Variants in THAP3 observed in about 807,000 individuals in gnomAD.
THAP3 encodes THAP domain containing 3, also known as THAP domain-containing protein 3.
A neutral mutation model predicts 17.7 loss-of-function variants in THAP3; 12 were observed. The observed-to-expected ratio is 0.68, with a 90% CI of 0.43 to 1.10. The LOEUF is 1.10. Among genes scored for constraint, THAP3 ranks in the 50% least tolerant of loss-of-function variants. THAP3 has a pLI of 0.00. For synonymous variants in THAP3, 133 were observed against 126.9 expected (o/e 1.05, Z -0.32); for missense variants, 289 against 318.0 (o/e 0.91, Z 0.69).
chr1:6,625,332 C>T (rs749289939), intron 2 of THAP3, 40 bp downstream of exon 2: 300 of 1,499,906 alleles, frequency 2.0e-4, no homozygotes, highest in East Asian at 5.3e-4. Context: ...GGCCCAGACC[C>T]GGGGCCCGCG....
In THAP3 at chr1:6,633,378, C is replaced by G. The variant is rs1476415517; in HGVS notation, c.*301C>G. ...CGCTGTCCTTTCAGCACACGCAGAG[C>G]AAAGATCGTTGGAAGCCCCAGTGTG... On this transcript the variant is annotated 3_prime_UTR_variant, in exon 6 of 6. Transcript: ENST00000054650. 7.9e-7 allele frequency: 1 copy of G among 1,260,636 alleles called. No individual in the cohort carries two copies. Among genetic ancestry groups the G allele is most frequent in the Non-Finnish European group, 1.0e-6 (1 of 993,762 alleles). 78.1% of individuals were successfully genotyped at this position (1,260,636 alleles called of 1,614,324 possible). A position where few individuals can be genotyped will look rare whatever the true frequency, so the allele number is the denominator to read the frequency against.
chr1:6,634,458 C>G, downstream of THAP3: 1 of 1,301,570 alleles, frequency 7.7e-7, no homozygotes, highest in Non-Finnish European at 1.0e-6. Context: ...GGAGGGAGGC[C>G]TGACTTCAGC....
Position 6,632,477 on chromosome 1 carries a change from C to T in THAP3, c.420C>T (p.Ala140=), listed in dbSNP as rs757618330. The part of the protein sequence containing the change: ...ALEELQLPPN[A]EGHVKQVSPR... The stretch of plus-strand genomic sequence containing the variant: ...AAGAGCTTCAGTTGCCCCCAAATGC[C>T]GAAGGCCACGTAAAACAGGTAAGAC... The change falls in exon 5 of 6, where the codon GCC becomes GCT. Residue 140 remains alanine, a synonymous_variant. Transcript: ENST00000054650. 32 of 1,614,006 alleles carry T rather than the reference C, an allele frequency of 2.0e-5. No homozygotes were observed. The highest frequency in any genetic ancestry group is 3.3e-5 in the Admixed American group (2 of 60,006).
At chr1:6,634,059 C>A (rs138002206), downstream of THAP3, 2 of 1,613,802 alleles carry the variant, frequency 1.2e-6, no homozygotes, top group Admixed American at 1.7e-5. Flanking sequence ...CCCAGCTTCA[C>A]GTGAAGCCTT....
intron 2 of THAP3, 140 bp downstream of exon 2, chr1:6,625,432 A>C: frequency 1.8e-6 from 1 of 563,410 alleles, no homozygotes; most frequent in Non-Finnish European, 2.4e-6. Context: ...CTGGGCCCAG[A>C]GGGGCTGGCG....
At chr1:6,635,038 C>G (rs1641734883), downstream of THAP3, 1 of 300,254 alleles carries the variant, frequency 3.3e-6, no homozygotes, top group South Asian at 5.4e-5. Flanking sequence ...TACCCTGTCC[C>G]AAGCCGAGGG....
In THAP3 at chr1:6,628,666, T is replaced by G; in HGVS notation, c.242T>G (p.Val81Gly). ...CTAAAGCACAATGCCGTGCCCACGGTGTTCGCCTTTCAGGACCCCACACAG... is the reference window on the plus strand; with the variant it reads ...CTAAAGCACAATGCCGTGCCCACGGGGTTCGCCTTTCAGGACCCCACACAG... ...KNLKHNAVPT[V>G]FAFQDPTQQV... is the part of the protein sequence containing the mutation. Residue 81 changes from valine to glycine, a missense_variant, in exon 3 of 6, where the codon GTG becomes GGG. Physicochemically the swap from Val to Gly is moderately radical, Grantham distance 109 (BLOSUM62 -3). Coordinates refer to ENST00000054650, the MANE Select transcript of THAP3 (RefSeq NM_001195753.2). 2 of 1,613,344 alleles carry G rather than the reference T, an allele frequency of 1.2e-6. No homozygotes were observed. Among genetic ancestry groups the G allele is most frequent in the Non-Finnish European group, 1.7e-6 (2 of 1,179,894 alleles).
chr1:6,626,303 A>C (rs1641468517), intron 2 of THAP3, among the ~76,000 whole-genome samples: 1 of 151,978 alleles, frequency 6.6e-6, no homozygotes, highest in South Asian at 2.1e-4. Context: ...GCGATACCTC[A>C]TCTCAAAATA....
intron 3 of THAP3, among the ~76,000 whole-genome samples, chr1:6,629,878 C>T (rs867603010): frequency 2.0e-5 from 3 of 152,352 alleles, no homozygotes; most frequent in African/African-American, 2.4e-5. Context: ...AAGCTGGGTA[C>T]GGCCTCTGCC....
At chr1:6,634,669 A>C (rs752394189), downstream of THAP3, 5 of 1,366,398 alleles carry the variant, frequency 3.7e-6, no homozygotes, top group Admixed American at 7.6e-5. Flanking sequence ...GCTCCGCTGC[A>C]TTCTGCATCC....
chr1:6,632,357 G>A (rs1400456959), intron 4 of THAP3, 34 bp from the exon 5 acceptor site: 3 of 1,612,056 alleles, frequency 1.9e-6, no homozygotes, highest in African/African-American at 2.7e-5. Context: ...GCATGTGCAG[G>A]GCTGTAGTGC....
chr1:6,625,028 G>T (rs1024170209), intron 1 of THAP3, 74 bp downstream of exon 1: 1 of 593,034 alleles, frequency 1.7e-6, no homozygotes, highest in African/African-American at 2.0e-5. Flanking sequence ...ACCCCTTTAC[G>T]TGGCGCCCCG....
rs917448020 is a variant in THAP3, at chr1:6,624,945, G to A, written c.-79G>A. ...AAGGAGGTGAAAGGCGACCAGCATT[G>A]GCGAATGGGGTAAGACTTGCACAGG... is the stretch of plus-strand genomic sequence containing the variant. On this transcript the variant is annotated 5_prime_UTR_variant, in exon 1 of 6. Coordinates refer to ENST00000054650, the MANE Select transcript of THAP3 (RefSeq NM_001195753.2). 2 of 493,728 alleles carry A rather than the reference G, an allele frequency of 4.1e-6. No homozygotes were observed. The highest frequency in any genetic ancestry group is 7.2e-6 in the Non-Finnish European group (2 of 277,730). 30.6% of individuals were successfully genotyped at this position (493,728 alleles called of 1,614,324 possible). A position where few individuals can be genotyped will look rare whatever the true frequency, so the allele number is the denominator to read the frequency against.
rs764885228 is a variant in THAP3 at position 6,633,327 on chromosome 1, A to G, written c.*250A>G. On this transcript the variant is annotated 3_prime_UTR_variant, in exon 6 of 6. Coordinates refer to ENST00000054650, the MANE Select transcript of THAP3 (RefSeq NM_001195753.2). ...CAAGCTTATCCTCCCATGGTAACAG[A>G]AGTCCAGGCTGAGGCTGATTCTGGA... The G allele has an allele frequency of 4.3e-5, 60 of 1,383,276 alleles. No individual in the cohort carries two copies. Among genetic ancestry groups the G allele is most frequent in the Middle Eastern group, 2.7e-4 (1 of 3,688 alleles). The allele number at this position is 1,383,276 out of a possible 1,614,324, so 85.7% of individuals were successfully genotyped here.
At chr1:6,628,840 G>A in intron 3 of THAP3, 149 bp downstream of exon 3, 1 of 733,594 alleles carries the variant, frequency 1.4e-6, no homozygotes, top group South Asian at 1.9e-5. Flanking sequence ...GGGGTCCACA[G>A]CCCTGTGGCC....
rs1570243173 is a variant in THAP3, at chr1:6,628,752, G to A, written c.267+61G>A. ...CAGCCTGCGTTGTTTACCAGCAGCTGGGGGCAGTGGGGGTGGCGGCATGTG... is the reference window on the plus strand; with the variant it reads ...CAGCCTGCGTTGTTTACCAGCAGCTAGGGGCAGTGGGGGTGGCGGCATGTG... On this transcript the variant is annotated intron_variant, in intron 3 of 5. Coordinates refer to ENST00000054650, the MANE Select transcript of THAP3 (RefSeq NM_001195753.2). 3.3e-6 allele frequency: 5 copies of A among 1,507,068 alleles called. No homozygotes were observed. In the East Asian group the frequency reaches 1.2e-4, roughly 35 times the overall value. The allele number at this position is 1,507,068 out of a possible 1,614,324, so 93.4% of individuals were successfully genotyped here. A position where few individuals can be genotyped will look rare whatever the true frequency, so the allele number is the denominator to read the frequency against.
chr1:6,629,834 C>T, intron 3 of THAP3: 1 of 182,190 alleles, frequency 5.5e-6, no homozygotes. Flanking sequence ...GTCACTGTAG[C>T]CCTCGGTGCT....
intron 2 of THAP3, among the ~76,000 whole-genome samples, chr1:6,625,609 C>T (rs1268421942): frequency 2.9e-5 from 2 of 69,374 alleles, no homozygotes; most frequent in African/African-American, 1.1e-4. Context: ...GCCCCCGCCG[C>T]GCGCGGTCCT....
At chr1:6,634,907 G>A, downstream of THAP3, 1 of 1,180,196 alleles carries the variant, frequency 8.5e-7, no homozygotes, top group Non-Finnish European at 1.1e-6. Flanking sequence ...CTCTGGAGGT[G>A]GGTGGTGCAG....
Sources: allele counts gnomAD v4.1 joint callset (sites outside exome capture counted in the v4.1 genomes callset), GRCh38; gene constraint gnomAD v4.1.1; transcripts MANE v1.5; gene names NCBI Gene and HGNC (gene_info 2026-07-23, HGNC 2026-07-21).